Variants in AFF3 observed in about 807,000 individuals in gnomAD.
AFF3 encodes the protein ALF transcription elongation factor 3, also known as AF4/FMR2 family member 3.
AFF3 carries 32 observed loss-of-function variants against 129.7 expected under a neutral mutation model. The ratio of observed to expected loss-of-function variants is 0.25; its 90% CI spans 0.19 to 0.33. The LOEUF (loss-of-function observed/expected upper bound fraction) is 0.33. Among genes scored for constraint, AFF3 ranks in the 10% least tolerant of loss-of-function variants. AFF3 has a pLI of 1.00. For missense variants in AFF3, 1,373 were observed against 1,592.0 expected (o/e 0.86, Z 2.34); for synonymous variants, 644 against 635.4 (o/e 1.01, Z -0.20).
chr2:100,018,720 C>T (rs1246007866), intron 4 of AFF3, among the ~76,000 whole-genome samples: 2 of 151,932 alleles, frequency 1.3e-5, no homozygotes, highest in African/African-American at 4.8e-5. Context: ...TATAAAGATG[C>T]AGCAGAGCCT....
At chr2:99,725,609 C>A (rs572641451) in intron 11 of AFF3, among the ~76,000 whole-genome samples, 1 of 152,028 alleles carries the variant, frequency 6.6e-6, no homozygotes, top group Non-Finnish European at 1.5e-5. Context: ...GGATTACAAG[C>A]GTGAGCCACT....
chr2:99,819,277 A>C (rs1687469627), intron 8 of AFF3, among the ~76,000 whole-genome samples: 1 of 152,396 alleles, frequency 6.6e-6, no homozygotes, highest in Admixed American at 6.5e-5. Context: ...TAGATTCTTC[A>C]GGGAAGTCTG....
chr2:100,055,534 T>C (rs1368822334), intron 4 of AFF3, among the ~76,000 whole-genome samples: 3 of 150,838 alleles, frequency 2.0e-5, no homozygotes, highest in African/African-American at 4.9e-5. Context: ...TCTGATTTAG[T>C]TGGAGGGGCT....
At chr2:99,793,733 T>G (rs1685368248) in intron 8 of AFF3, among the ~76,000 whole-genome samples, 1 of 152,202 alleles carries the variant, frequency 6.6e-6, no homozygotes, top group Non-Finnish European at 1.5e-5. Context: ...AGCTTTAGAT[T>G]TCATAAATTT....
At chr2:99,886,670 T>G (rs1693136616) in intron 7 of AFF3, among the ~76,000 whole-genome samples, 2 of 152,116 alleles carry the variant, frequency 1.3e-5, no homozygotes, top group Non-Finnish European at 2.9e-5. Flanking sequence ...ATACCACGCT[T>G]CATGAACAAG....
At chr2:100,012,099 CCCTCAGGA>C (rs1682600687) in intron 4 of AFF3, among the ~76,000 whole-genome samples, 2 of 152,150 alleles carry the variant, frequency 1.3e-5, no homozygotes, top group South Asian at 4.1e-4. Context: ...GGAGTGAACA[CCCTCAGGA>C]CCACTTACTC....
chr2:100,082,871 G>A (rs1689138509), intron 4 of AFF3, among the ~76,000 whole-genome samples: 2 of 152,126 alleles, frequency 1.3e-5, no homozygotes, highest in South Asian at 4.1e-4. Context: ...ACCTGTGGTT[G>A]AGAGTTCAAG....
chr2:99,701,020 G>A (rs1015699992), intron 11 of AFF3, among the ~76,000 whole-genome samples: 1 of 152,214 alleles, frequency 6.6e-6, no homozygotes, highest in Non-Finnish European at 1.5e-5. Flanking sequence ...AAGGGACAGT[G>A]TGGCCCTGAC....
chr2:99,631,350 AC>A (rs1190329746), intron 13 of AFF3, among the ~76,000 whole-genome samples: 18 of 152,216 alleles, frequency 1.2e-4, no homozygotes, highest in Non-Finnish European at 4.4e-5. Flanking sequence ...TAAAATACAT[AC>A]AATATAAAAA....
chr2:99,550,982 G>A lies in AFF3; in HGVS notation c.*492C>T. On this transcript the variant is annotated 3_prime_UTR_variant, in exon 25 of 25. Coordinates refer to ENST00000672756, the MANE Select transcript of AFF3 (RefSeq NM_001386135.1). ...GGGGAATAGTATATTAATACTGAAA[G>A]TAATCAACAGTATAAGAGCAGGTCC... is the stretch of plus-strand genomic sequence containing the variant. The A allele has an allele frequency of 2.7e-6, 1 of 370,308 alleles. No homozygotes were observed. Among genetic ancestry groups the A allele is most frequent in the Non-Finnish European group, 4.8e-6 (1 of 208,128 alleles). The allele number at this position is 370,308 out of a possible 1,614,324, so 22.9% of individuals were successfully genotyped here. A position where few individuals can be genotyped will look rare whatever the true frequency, so the allele number is the denominator to read the frequency against.
intron 7 of AFF3, among the ~76,000 whole-genome samples, chr2:99,859,838 G>A (rs528386467): frequency 4.7e-4 from 72 of 152,228 alleles, no homozygotes; most frequent in African/African-American, 8.7e-4. Flanking sequence ...AGACGAAACC[G>A]GGAGCTTAGG....
Position 99,648,358 on chromosome 2 carries a change from A to G in AFF3, c.1184+1268T>C, listed in dbSNP as rs534431870. ...AACTGCTTACTTAAGAAGAAAAGTC[A>G]AAGACAGAAAAGAAATATGTATAGG... On this transcript the variant is annotated intron_variant, in intron 13 of 24. Transcript: ENST00000672756. Among the ~76,000 whole-genome samples the G allele has an allele frequency of 2.0e-5, 3 of 152,242 alleles. No individual in the cohort carries two copies. In the East Asian group the frequency reaches 5.8e-4, roughly 29 times the overall value.
chr2:100,127,292 G>A (rs561901620), intron 2 of AFF3, among the ~76,000 whole-genome samples: 10 of 152,290 alleles, frequency 6.6e-5, no homozygotes, highest in Non-Finnish European at 1.3e-4. Flanking sequence ...CACTTCAACT[G>A]GCCCTCACTG....
chr2:99,934,073 C>G (rs1167365431), intron 7 of AFF3, among the ~76,000 whole-genome samples: 1 of 152,114 alleles, frequency 6.6e-6, no homozygotes, highest in Non-Finnish European at 1.5e-5. Context: ...ACAACAGCAC[C>G]AGGAACTGAA....
At chr2:99,923,382 G>A (rs186960159) in intron 7 of AFF3, among the ~76,000 whole-genome samples, 72 of 152,334 alleles carry the variant, frequency 4.7e-4, no homozygotes, top group African/African-American at 1.6e-3. Flanking sequence ...AGCTTTTGAT[G>A]TTGAAAAGCA....
intron 7 of AFF3, among the ~76,000 whole-genome samples, chr2:99,843,317 C>A (rs891550284): frequency 2.0e-4 from 30 of 152,212 alleles, no homozygotes; most frequent in Non-Finnish European, 7.3e-5. Context: ...CCTGTACCAT[C>A]CCCTGTCAGG....
intron 7 of AFF3, among the ~76,000 whole-genome samples, chr2:99,966,286 A>T (rs1677738431): frequency 6.6e-6 from 1 of 152,226 alleles, no homozygotes; most frequent in Admixed American, 6.5e-5. Flanking sequence ...TAATGGCCAA[A>T]GATTACAATT....
chr2:100,031,553 T>G (rs949018872), intron 4 of AFF3, among the ~76,000 whole-genome samples: 3 of 152,184 alleles, frequency 2.0e-5, no homozygotes, highest in Non-Finnish European at 4.4e-5. Context: ...TCATTTCTAA[T>G]AGAACCAGGG....
chr2:99,805,773 G>A (rs1205452017), intron 8 of AFF3, among the ~76,000 whole-genome samples: 1 of 150,774 alleles, frequency 6.6e-6, no homozygotes, highest in East Asian at 2.0e-4. Flanking sequence ...TTCCAGGAGG[G>A]CAAATGCTTA....
Sources: allele counts gnomAD v4.1 joint callset (sites outside exome capture counted in the v4.1 genomes callset), GRCh38; gene constraint gnomAD v4.1.1; transcripts MANE v1.5; gene names NCBI Gene and HGNC (gene_info 2026-07-23, HGNC 2026-07-21).